The following SETDB1 variants were observed in gnomAD, a reference collection of about 807,000 sequenced individuals.
SETDB1 encodes the protein histone-lysine N-methyltransferase SETDB1.
A neutral mutation model predicts 137.4 loss-of-function variants in SETDB1; 31 were observed. The observed-to-expected ratio is 0.23, with a 90% CI of 0.17 to 0.30. The LOEUF (loss-of-function observed/expected upper bound fraction) is 0.30. SETDB1 is among the 10% of genes least tolerant of loss of function. SETDB1 has a pLI of 1.00. For synonymous variants in SETDB1, 548 were observed against 579.9 expected (o/e 0.95, Z 0.79); for missense variants, 1,113 against 1,631.5 (o/e 0.68, Z 5.47).
intron 9 of SETDB1, chr1:150,945,339 A>G: frequency 1.4e-6 from 2 of 1,408,924 alleles, no homozygotes; most frequent in Non-Finnish European, 1.9e-6. Flanking sequence ...GTTTTGATTT[A>G]TTTATTTTTT....
At chr1:150,946,771 A>T in intron 9 of SETDB1, 115 bp from the exon 10 acceptor site, 1 of 1,224,004 alleles carries the variant, frequency 8.2e-7, no homozygotes, top group Non-Finnish European at 1.2e-6. Context: ...AAGGAATTTA[A>T]GGCTCATCAG....
Position 150,950,465 on chromosome 1 carries a change from T to G in SETDB1, c.1591T>G (p.Leu531Val), listed in dbSNP as rs1253165117. The G allele has an allele frequency of 6.3e-7, 1 of 1,594,304 alleles. No homozygotes were observed. Among genetic ancestry groups the G allele is most frequent in the Non-Finnish European group, 8.5e-7 (1 of 1,170,798 alleles). Reference protein sequence around the residue: ...PGINQTYRSPLGSTASAPAPS... With the variant: ...PGINQTYRSPVGSTASAPAPS... ...CTTGCATCTCATTTGCAGATCACCT[T>G]TAGGCTCCACAGCCTCTGCCCCAGC... The change falls in exon 13 of 22, where the codon TTA becomes GTA. Residue 531 changes from leucine to valine, a missense_variant. Physicochemically the swap from Leu to Val is conservative, Grantham distance 32 (BLOSUM62 1). Around this residue, in one of 11 missense-constraint regions of SETDB1, gnomAD observed 192 missense variants for 198.1 expected, o/e 0.97. Coordinates refer to ENST00000692827, the MANE Select transcript of SETDB1 (RefSeq NM_001366418.1).
intron 14 of SETDB1, among the ~76,000 whole-genome samples, chr1:150,954,146 G>A (rs1482609737): frequency 3.3e-5 from 5 of 152,062 alleles, no homozygotes; most frequent in Admixed American, 1.3e-4. Context: ...GAGCCACCGC[G>A]CCCAGCCTAA....
rs368606869 is a variant in SETDB1, at chr1:150,963,884, A to G, written c.3673-111A>G. On this transcript the variant is annotated intron_variant, in intron 20 of 21. Coordinates refer to ENST00000692827, the MANE Select transcript of SETDB1 (RefSeq NM_001366418.1). ...GAGGTAGCTTTCTTTCAAAGCATCT[A>G]TTATAATGGGGAGGGTCAGATGGCA... The G allele has an allele frequency of 1.7e-5, 22 of 1,283,322 alleles. 1 individual carries two copies. The highest frequency in any genetic ancestry group is 1.3e-4 in the Admixed American group (7 of 55,526). The allele number at this position is 1,283,322 out of a possible 1,614,324, so 79.5% of individuals were successfully genotyped here. A position where few individuals can be genotyped will look rare whatever the true frequency, so the allele number is the denominator to read the frequency against.
intron 3 of SETDB1, among the ~76,000 whole-genome samples, chr1:150,931,315 G>C (rs1346091795): frequency 6.7e-6 from 1 of 149,104 alleles, no homozygotes; most frequent in South Asian, 2.1e-4. Context: ...GCCAGGCGTG[G>C]TGGCTCACGC....
chr1:150,927,600 A>AT, intron 1 of SETDB1, 104 bp from the exon 2 acceptor site: 1 of 984,834 alleles, frequency 1.0e-6, no homozygotes, highest in Non-Finnish European at 1.5e-6. Flanking sequence ...GAATAGAATA[A>AT]CAGGCAGCAG....
chr1:150,962,357 CG>C (rs587654807), intron 17 of SETDB1, among the ~76,000 whole-genome samples, 199 bp downstream of exon 17: 170 of 152,190 alleles, frequency 1.1e-3, no homozygotes, highest in African/African-American at 3.8e-3. Flanking sequence ...TTTGTAGACA[CG>C]GGGTTTCACC....
At position 150,950,492 on chromosome 1, in the gene SETDB1, C is replaced by T; in HGVS notation, c.1618C>T (p.Pro540Ser). 6.2e-7 allele frequency: 1 copy of T among 1,610,608 alleles called. No individual in the cohort carries two copies. The highest frequency in any genetic ancestry group is 8.5e-7 in the Non-Finnish European group (1 of 1,178,184). Residue 540 changes from proline (P) to serine (S), a missense_variant, in exon 13 of 22, where the codon CCC (proline) becomes TCC (serine). Pro to Ser is a moderately conservative substitution (Grantham distance 74). Coordinates refer to ENST00000692827, the MANE Select transcript of SETDB1 (RefSeq NM_001366418.1). The part of the protein sequence containing the change: ...PLGSTASAPA[P>S]SALPAPPAPP... ...AGGCTCCACAGCCTCTGCCCCAGCA[C>T]CCTCAGCACTCCCGGCCCCTCCAGC...
Position 150,962,118 on chromosome 1 carries a change from G to T in SETDB1, c.3133-12G>T. 6.2e-7 allele frequency: 1 copy of T among 1,614,094 alleles called. No individual in the cohort carries two copies. Among genetic ancestry groups the T allele is most frequent in the Non-Finnish European group, 8.5e-7 (1 of 1,179,966 alleles). On this transcript the variant is annotated splice_polypyrimidine_tract_variant and intron_variant, in intron 16 of 21. Transcript: ENST00000692827. ...TGTGAAAGCATTTAACCCTTCACTT[G>T]TTCTTTTCCAGGACACTGACGACCG...
intron 14 of SETDB1, among the ~76,000 whole-genome samples, chr1:150,958,184 C>CAA (rs1156374407): frequency 4.7e-5 from 4 of 84,328 alleles, no homozygotes; most frequent in South Asian, 7.7e-4. Flanking sequence ...ACTCTGTCTC[C>CAA]AAAAAAAAAA....
Position 150,927,613 on chromosome 1 carries a change from T to C in SETDB1, c.-11-91T>C, listed in dbSNP as rs587643729. 15 of 1,103,650 alleles carry C rather than the reference T, an allele frequency of 1.4e-5. No individual in the cohort carries two copies. In the Admixed American group the frequency reaches 2.7e-4, roughly 20 times the overall value. 68.4% of individuals were successfully genotyped at this position (1,103,650 alleles called of 1,614,324 possible). ...TTGAATAGAATAACAGGCAGCAGAG[T>C]AGGAATTAGTTTTATTAGGGAACTG... is the stretch of plus-strand genomic sequence containing the variant. On this transcript the variant is annotated intron_variant, in intron 1 of 21. Coordinates refer to ENST00000692827, the MANE Select transcript of SETDB1 (RefSeq NM_001366418.1).
intron 14 of SETDB1, among the ~76,000 whole-genome samples, chr1:150,955,067 C>T (rs1220528523): frequency 6.6e-6 from 1 of 152,186 alleles, no homozygotes; most frequent in Non-Finnish European, 1.5e-5. Flanking sequence ...ATCGAGACTA[C>T]TGGGGAGATC....
Position 150,950,995 on chromosome 1 carries a change from C to T in SETDB1, c.2121C>T (p.Ala707=), listed in dbSNP as rs141559158. Reference sequence around the variant, plus strand: ...ACACAACCCCTCCACCCCAGGTGGCCTACAGCAAGGAACGTATCCCGGGCA... The same window carrying T: ...ACACAACCCCTCCACCCCAGGTGGCTTACAGCAAGGAACGTATCCCGGGCA... ...EIDTTPPPQV[A]YSKERIPGKG... is the part of the protein sequence containing the mutation. Residue 707 remains alanine (A), a synonymous_variant, in exon 13 of 22, where the codon GCC becomes GCT. Coordinates refer to ENST00000692827, the MANE Select transcript of SETDB1 (RefSeq NM_001366418.1). The T allele has an allele frequency of 6.2e-7, 1 of 1,614,002 alleles. No homozygotes were observed. The highest frequency in any genetic ancestry group is 1.3e-5 in the African/African-American group (1 of 74,922).
intron 6 of SETDB1, 62 bp downstream of exon 6, chr1:150,942,750 T>C (rs374945236): frequency 1.3e-6 from 2 of 1,598,922 alleles, no homozygotes; most frequent in Non-Finnish European, 1.7e-6. Flanking sequence ...CTGCTGATTG[T>C]TTCTTTTCCC....
chr1:150,948,560 C>T (rs970151678), intron 10 of SETDB1, among the ~76,000 whole-genome samples: 1 of 151,480 alleles, frequency 6.6e-6, no homozygotes, highest in Non-Finnish European at 1.5e-5. Flanking sequence ...CATGAGCCAC[C>T]GCGCCTGGCC....
chr1:150,957,558 A>C (rs997221590), intron 14 of SETDB1, among the ~76,000 whole-genome samples: 2 of 152,210 alleles, frequency 1.3e-5, no homozygotes, highest in African/African-American at 4.8e-5. Flanking sequence ...GAAAATAAGT[A>C]AAATTCTAAC....
At chr1:150,942,823 A>C (rs1670205734) in intron 6 of SETDB1, 29 bp from the exon 7 acceptor site, 1 of 1,609,206 alleles carries the variant, frequency 6.2e-7, no homozygotes, top group Non-Finnish European at 8.5e-7. Context: ...GGCAGTGTTT[A>C]AAAAGATTTA....
At chr1:150,963,495 G>C (rs752146427) in intron 19 of SETDB1, 35 bp from the exon 20 acceptor site, 2 of 1,519,638 alleles carry the variant, frequency 1.3e-6, no homozygotes, top group Non-Finnish European at 1.8e-6. Context: ...TCATGAGTTG[G>C]GATGGGTCCT....
At chr1:150,957,136 G>A (rs1318667317) in intron 14 of SETDB1, among the ~76,000 whole-genome samples, 1 of 151,458 alleles carries the variant, frequency 6.6e-6, no homozygotes, top group Non-Finnish European at 1.5e-5. Context: ...AAAAATGGGA[G>A]GTCGAAGCAG....
Sources: gnomAD v4.1 joint callset for allele counts (sites outside exome capture counted in the v4.1 genomes callset) on GRCh38, gnomAD v4.1.1 for gene constraint, gnomAD v4.1.1 regional missense constraint, MANE v1.5 for transcripts, NCBI Gene and HGNC (gene_info 2026-07-23, HGNC 2026-07-21) for gene names.